Variants in UBL5 observed in about 807,000 individuals in gnomAD.
The protein encoded by UBL5 is ubiquitin-like protein 5.
UBL5 carries 13 observed loss-of-function variants against 11.7 expected under a neutral mutation model. The observed-to-expected ratio is 1.11, with a 90% CI of 0.73 to 1.77. UBL5 has a LOEUF of 1.77. Ranked by LOEUF, UBL5 falls within the 40% of genes most tolerant of loss-of-function variation. The pLI, the probability that UBL5 is intolerant of heterozygous loss-of-function variation, is 0.00. For synonymous variants in UBL5, 28 were observed against 34.7 expected (o/e 0.81, Z 0.68); for missense variants, 58 against 92.3 (o/e 0.63, Z 1.52).
chr19:9,828,305 A>ACCC, intron 1 of UBL5, 22 bp from the exon 2 acceptor site: 1 of 1,287,768 alleles, frequency 7.8e-7, no homozygotes, highest in Non-Finnish European at 1.1e-6. Context: ...GCTGCCTCCC[A>ACCC]CCCACCCCCC....
Position 9,830,056 on chromosome 19 carries a change from C to T in UBL5, c.*48C>T. On this transcript the variant is annotated 3_prime_UTR_variant, in exon 5 of 5. Coordinates refer to ENST00000586895, the MANE Select transcript of UBL5 (RefSeq NM_001048241.3). ...CCCGCTTTCCTCTCCCATCCTCATC[C>T]CCCACACTGGGATAGATGCTTGTTT... 3.7e-6 allele frequency: 6 copies of T among 1,608,628 alleles called. No individual in the cohort carries two copies. Among genetic ancestry groups the T allele is most frequent in the Non-Finnish European group, 4.3e-6 (5 of 1,175,584 alleles).
intron 2 of UBL5, 86 bp downstream of exon 2, chr19:9,828,479 T>G: frequency 6.2e-7 from 1 of 1,609,252 alleles, no homozygotes; most frequent in Non-Finnish European, 8.5e-7. Context: ...TCGGATGGTT[T>G]TAGTTAAACC....
chr19:9,828,474 T>C, intron 2 of UBL5, 81 bp downstream of exon 2: 1 of 1,608,776 alleles, frequency 6.2e-7, no homozygotes. Context: ...TGTTGTCGGA[T>C]GGTTTTAGTT....
chr19:9,828,248 G>A, intron 1 of UBL5, 79 bp from the exon 2 acceptor site: 1 of 1,387,936 alleles, frequency 7.2e-7, no homozygotes, highest in Non-Finnish European at 1.0e-6. Context: ...TGGGAGACTT[G>A]TAGGCTGGGG....
chr19:9,828,571 C>T (rs779861664), intron 2 of UBL5, 21 bp from the exon 3 acceptor site: 3 of 1,614,120 alleles, frequency 1.9e-6, no homozygotes, highest in Non-Finnish European at 2.5e-6. Flanking sequence ...CTTCCATTTG[C>T]CTTAACTGCT....
Position 9,828,334 on chromosome 19 carries a change from T to C in UBL5, c.-4T>C, listed in dbSNP as rs765948203. The stretch of plus-strand genomic sequence containing the variant: ...ACCCCCCGCTTTGTGTAGCTCCAGC[T>C]AGGATGATCGAGGTTGTTTGCAACG... On this transcript the variant is annotated 5_prime_UTR_variant, in exon 2 of 5. Transcript: ENST00000586895. The C allele has an allele frequency of 5.2e-6, 8 of 1,543,268 alleles. No individual in the cohort carries two copies. Among genetic ancestry groups the C allele is most frequent in the Non-Finnish European group, 7.1e-6 (8 of 1,119,084 alleles).
At chr19:9,828,714 G>T (rs777584943) in intron 3 of UBL5, 39 bp downstream of exon 3, 2 of 1,613,932 alleles carry the variant, frequency 1.2e-6, no homozygotes, top group Non-Finnish European at 1.7e-6. Flanking sequence ...GACTGGACTA[G>T]GCCGGAAGGT....
rs746538981 is a variant in UBL5, at chr19:9,828,103, C to T, written c.-12+119C>T. On this transcript the variant is annotated intron_variant, in intron 1 of 4. Transcript: ENST00000586895. ...GTTTTGTGGCAGGGCTTTCAGGCGG[C>T]GAGAAGGGGCGGAGGCGCGGCTCCC... 2.9e-3 allele frequency: 1,693 copies of T among 591,848 alleles called. 6 individuals carry two copies. Among genetic ancestry groups the T allele is most frequent in the Non-Finnish European group, 3.1e-3 (1,025 of 333,116 alleles). The allele number at this position is 591,848 out of a possible 1,614,324, so 36.7% of individuals were successfully genotyped here.
At chr19:9,828,100 C>A (rs1256601192) in intron 1 of UBL5, 116 bp downstream of exon 1, 3 of 591,250 alleles carry the variant, frequency 5.1e-6, no homozygotes, top group Non-Finnish European at 9.0e-6. Context: ...GGCTTTCAGG[C>A]GGCGAGAAGG....
chr19:9,828,418 G>A, intron 2 of UBL5, 25 bp downstream of exon 2: 1 of 1,614,162 alleles, frequency 6.2e-7, no homozygotes. Flanking sequence ...CCGAGAGGCA[G>A]TGGTACCCGC....
rs895550806 is a variant in UBL5, at chr19:9,828,234, G to A, written c.-11-93G>A. 2.0e-5 allele frequency: 25 copies of A among 1,235,352 alleles called. No homozygotes were observed. The South Asian group carries it at 2.1e-4, about 10-fold the overall frequency. The allele number at this position is 1,235,352 out of a possible 1,614,324, so 76.5% of individuals were successfully genotyped here. ...CAGTAACCTGGAATTTTAGGGCCTG[G>A]GACTGGGAGACTTGTAGGCTGGGGC... On this transcript the variant is annotated intron_variant, in intron 1 of 4. Coordinates refer to ENST00000586895, the MANE Select transcript of UBL5 (RefSeq NM_001048241.3).
In UBL5 at chr19:9,828,312, C is replaced by T. The variant is rs778237781; in HGVS notation, c.-11-15C>T. The T allele has an allele frequency of 1.2e-6, 2 of 1,607,690 alleles. No homozygotes were observed. The highest frequency in any genetic ancestry group is 3.3e-5 in the Admixed American group (2 of 59,992). On this transcript the variant is annotated splice_polypyrimidine_tract_variant and intron_variant, in intron 1 of 4. Coordinates refer to ENST00000586895, the MANE Select transcript of UBL5 (RefSeq NM_001048241.3). ...CTGACTTTGCTGCCTCCCACCCACC[C>T]CCCGCTTTGTGTAGCTCCAGCTAGG...
Position 9,827,950 on chromosome 19 carries a change from A to G in UBL5, c.-46A>G, listed in dbSNP as rs1484387606. 5 of 316,668 alleles carry G rather than the reference A, an allele frequency of 1.6e-5. No homozygotes were observed. The highest frequency in any genetic ancestry group is 2.4e-5 in the Non-Finnish European group (4 of 166,412). The allele number at this position is 316,668 out of a possible 1,614,324, so 19.6% of individuals were successfully genotyped here. A position where few individuals can be genotyped will look rare whatever the true frequency, so the allele number is the denominator to read the frequency against. On this transcript the variant is annotated 5_prime_UTR_variant, in exon 1 of 5. Coordinates refer to ENST00000586895, the MANE Select transcript of UBL5 (RefSeq NM_001048241.3). Reference sequence around the variant, plus strand: ...ACCGGGGTTCAGCGCTCGGGTGAGGAGCTGGTGGCGTCGGCAGGTTCGAGG... The same window carrying G: ...ACCGGGGTTCAGCGCTCGGGTGAGGGGCTGGTGGCGTCGGCAGGTTCGAGG...
rs763551777 is a variant in UBL5, at chr19:9,828,826, C to G, written c.141-11C>G. 1.2e-6 allele frequency: 2 copies of G among 1,614,186 alleles called. No individual in the cohort carries two copies. The highest frequency in any genetic ancestry group is 1.6e-4 in the Middle Eastern group (1 of 6,062). ...CCTTAGCCTTATCTCTGAAATGTCT[C>G]TTTTTCTTAGGTACACGATTTTTAA... is the stretch of plus-strand genomic sequence containing the variant. On this transcript the variant is annotated splice_polypyrimidine_tract_variant and intron_variant, in intron 3 of 4. Coordinates refer to ENST00000586895, the MANE Select transcript of UBL5 (RefSeq NM_001048241.3).
At chr19:9,828,415 G>T (rs1361352857) in intron 2 of UBL5, 22 bp downstream of exon 2, 11 of 1,613,934 alleles carry the variant, frequency 6.8e-6, no homozygotes, top group African/African-American at 4.0e-5. Flanking sequence ...CAGCCGAGAG[G>T]CAGTGGTACC....
rs1449572993 is a variant in UBL5, at chr19:9,828,401, C to T, written c.56+8C>T. ...GGTCCGCGTTAAATGCAAGTATCCA[C>T]TGGCAGCCGAGAGGCAGTGGTACCC... On this transcript the variant is annotated splice_region_variant and intron_variant, in intron 2 of 4. Coordinates refer to ENST00000586895, the MANE Select transcript of UBL5 (RefSeq NM_001048241.3). The T allele has an allele frequency of 6.2e-7, 1 of 1,614,138 alleles. No homozygotes were observed. Among genetic ancestry groups the T allele is most frequent in the Non-Finnish European group, 8.5e-7 (1 of 1,180,020 alleles).
At chr19:9,828,500 G>C (rs2046037450) in intron 2 of UBL5, 92 bp from the exon 3 acceptor site, 5 of 1,605,740 alleles carry the variant, frequency 3.1e-6, no homozygotes, top group Non-Finnish European at 3.4e-6. Flanking sequence ...CGGGAGAGGG[G>C]GCGGATGGGG....
intron 1 of UBL5, 74 bp downstream of exon 1, chr19:9,828,058 G>A: frequency 1.8e-6 from 1 of 557,792 alleles, no homozygotes; most frequent in Non-Finnish European, 3.2e-6. Flanking sequence ...TCTGGGGTCG[G>A]TGGGAGGTGA....
intron 4 of UBL5, chr19:9,829,705 C>A: frequency 2.2e-6 from 1 of 446,854 alleles, no homozygotes; most frequent in Non-Finnish European, 4.0e-6. Flanking sequence ...TCGTGTTGGC[C>A]AGGCTGGTCT....
Sources: gnomAD v4.1 joint callset for allele counts on GRCh38, gnomAD v4.1.1 for gene constraint, MANE v1.5 for transcripts, NCBI Gene and HGNC (gene_info 2026-07-23, HGNC 2026-07-21) for gene names.